Variants in KLHDC10 observed in about 807,000 individuals in gnomAD.
The protein encoded by KLHDC10 is kelch domain containing 10, also known as kelch domain-containing protein 10.
A neutral mutation model predicts 56.1 loss-of-function variants in KLHDC10; 24 were observed. The ratio of observed to expected loss-of-function variants is 0.43; its 90% CI spans 0.31 to 0.60. KLHDC10 has a LOEUF of 0.60. Among genes scored for constraint, KLHDC10 ranks in the 20% least tolerant of loss-of-function variants. The probability of loss-of-function intolerance (pLI) is 0.11; values close to 1 mark genes in which losing one functional copy is unlikely to be tolerated. For synonymous variants in KLHDC10, 188 were observed against 207.1 expected (o/e 0.91, Z 0.79); for missense variants, 349 against 567.0 (o/e 0.62, Z 3.91).
At chr7:130,092,491 T>C (rs1000896800) in intron 1 of KLHDC10, among the ~76,000 whole-genome samples, 3 of 152,182 alleles carry the variant, frequency 2.0e-5, no homozygotes, top group African/African-American at 7.2e-5. Flanking sequence ...TCTCCACAGA[T>C]TGTGGATAGG....
At chr7:130,093,853 A>C (rs1174534003) in intron 1 of KLHDC10, among the ~76,000 whole-genome samples, 1 of 152,150 alleles carries the variant, frequency 6.6e-6, no homozygotes, top group Non-Finnish European at 1.5e-5. Context: ...GACATGCCAA[A>C]GATGTTTGAT....
intron 2 of KLHDC10, among the ~76,000 whole-genome samples, chr7:130,105,658 G>A (rs1795997632): frequency 6.6e-6 from 1 of 152,172 alleles, no homozygotes; most frequent in Non-Finnish European, 1.5e-5. Flanking sequence ...AAATCAGGAA[G>A]TAGGATACTC....
At chr7:130,119,537 T>TAAAAAAAAAAAAAAA in intron 3 of KLHDC10, among the ~76,000 whole-genome samples, 1 of 100,388 alleles carries the variant, frequency 1.0e-5, no homozygotes, top group Non-Finnish European at 2.0e-5. Flanking sequence ...AAAAAAGAGT[T>TAAAAAAAAAAAAAAA]AAAAAAAAAA....
intron 2 of KLHDC10, among the ~76,000 whole-genome samples, chr7:130,108,060 AAAAAC>A (rs869203339): frequency 1.2e-4 from 18 of 151,110 alleles, no homozygotes; most frequent in African/African-American, 3.4e-4. Flanking sequence ...AAAAAAAACA[AAAAAC>A]AAAACAAAAA....
At chr7:130,092,419 C>T (rs1795787626) in intron 1 of KLHDC10, among the ~76,000 whole-genome samples, 1 of 152,160 alleles carries the variant, frequency 6.6e-6, no homozygotes, top group Non-Finnish European at 1.5e-5. Flanking sequence ...TATGCTCAAT[C>T]ATCTTTATCG....
chr7:130,084,117 C>T (rs1038854813), intron 1 of KLHDC10, among the ~76,000 whole-genome samples: 2 of 152,192 alleles, frequency 1.3e-5, no homozygotes, highest in African/African-American at 2.4e-5. Flanking sequence ...CTTGCTTTCT[C>T]CATATCTACA....
At chr7:130,123,182 A>G (rs1336190547) in intron 5 of KLHDC10, among the ~76,000 whole-genome samples, 1 of 152,210 alleles carries the variant, frequency 6.6e-6, no homozygotes, top group Non-Finnish European at 1.5e-5. Flanking sequence ...TCTTCATAGA[A>G]TTAAACTCAC....
intron 3 of KLHDC10, among the ~76,000 whole-genome samples, chr7:130,117,213 C>G (rs889551969): frequency 6.6e-6 from 1 of 152,180 alleles, no homozygotes; most frequent in Non-Finnish European, 1.5e-5. Flanking sequence ...GAGCCTTCAG[C>G]GAGTTGTAAT....
Position 130,078,895 on chromosome 7 carries a change from T to G in KLHDC10, c.166+8086T>G, listed in dbSNP as rs140429106. The stretch of plus-strand genomic sequence containing the variant: ...AGTACTTTCCAAAAATACTAAACAA[T>G]AAGATAGTAGTGGAGCTTTGTCCTA... On this transcript the variant is annotated intron_variant, in intron 1 of 9. Transcript: ENST00000335420. 2.6e-5 allele frequency among the ~76,000 whole-genome samples: 4 copies of G among 152,332 alleles called. No homozygotes were observed. The East Asian group carries it at 7.7e-4, about 29-fold the overall frequency.
intron 2 of KLHDC10, 33 bp downstream of exon 2, chr7:130,097,040 G>A (rs12531444): frequency 0.38 from 550,695 of 1,464,722 alleles, 106,606 homozygotes; most frequent in East Asian, 0.43. Flanking sequence ...TCTGTGCTTC[G>A]TATGGGTTAA....
rs927741741 is a variant in KLHDC10, at chr7:130,116,868, T to C, written c.475+202T>C. ...GTTTGAATTCAGCTTGTCAGGTGAG[T>C]TTTAGCTTTAATTTCCTAACTTGCA... On this transcript the variant is annotated intron_variant, in intron 3 of 9. Transcript: ENST00000335420. This position sits in a 1 kb window ranked among gnomAD's most constrained non-coding sequence, Gnocchi z 4.8. 1.3e-5 allele frequency among the ~76,000 whole-genome samples: 2 copies of C among 152,164 alleles called. No homozygotes were observed. The highest frequency in any genetic ancestry group is 2.9e-5 in the Non-Finnish European group (2 of 68,024).
intron 8 of KLHDC10, among the ~76,000 whole-genome samples, chr7:130,128,020 G>A (rs1390071923): frequency 1.3e-5 from 2 of 152,134 alleles, no homozygotes; most frequent in Admixed American, 6.5e-5. Flanking sequence ...TTATTTCATC[G>A]TCTGATATAG....
intron 1 of KLHDC10, among the ~76,000 whole-genome samples, chr7:130,095,750 T>C (rs1795840643): frequency 6.6e-6 from 1 of 152,202 alleles, no homozygotes; most frequent in Non-Finnish European, 1.5e-5. Flanking sequence ...TAAAAACTGT[T>C]CTTTTTCTAG....
chr7:130,081,340 T>G (rs1224621976), intron 1 of KLHDC10, among the ~76,000 whole-genome samples: 1 of 145,974 alleles, frequency 6.9e-6, no homozygotes, highest in East Asian at 2.1e-4. Flanking sequence ...ATTTTTGAGA[T>G]GGAGTCTCTC....
In KLHDC10 at chr7:130,122,179, A is replaced by G. The variant is rs1313071827; in HGVS notation, c.756A>G (p.Leu252=). 2 of 1,613,964 alleles carry G rather than the reference A, an allele frequency of 1.2e-6. No individual in the cohort carries two copies. The highest frequency in any genetic ancestry group is 1.7e-6 in the Non-Finnish European group (2 of 1,179,906). Reference sequence around the variant, plus strand: ...GGACACAACTGAAACCAAACAACCTATCCTGTGATCTACCAGAAGAGAGGT... The same window carrying G: ...GGACACAACTGAAACCAAACAACCTGTCCTGTGATCTACCAGAAGAGAGGT... ...REWTQLKPNN[L]SCDLPEERYR... Residue 252 remains leucine (L), a synonymous_variant, in exon 5 of 10, where the codon CTA becomes CTG. Transcript: ENST00000335420.
chr7:130,107,576 G>C lies in KLHDC10; in HGVS notation c.254-8869G>C, dbSNP rs117641746. On this transcript the variant is annotated intron_variant, in intron 2 of 9. Transcript: ENST00000335420. ...ACTAGCTGGGCGACCAGGTGCCATG[G>C]TTCACGCCTGTAATCCCAGCGCTTT... 1.9e-3 allele frequency among the ~76,000 whole-genome samples: 284 copies of C among 152,184 alleles called. 4 individuals carry two copies. In the East Asian group the frequency reaches 0.04, roughly 21 times the overall value.
chr7:130,107,186 AC>A (rs1186506583), intron 2 of KLHDC10, among the ~76,000 whole-genome samples: 1 of 152,238 alleles, frequency 6.6e-6, no homozygotes, highest in African/African-American at 2.4e-5. Context: ...AGTAAAAAAA[AC>A]GAGACAAAGA....
intron 8 of KLHDC10, among the ~76,000 whole-genome samples, chr7:130,129,178 T>G (rs1796362250): frequency 6.6e-6 from 1 of 152,038 alleles, no homozygotes; most frequent in Non-Finnish European, 1.5e-5. Flanking sequence ...TGTAGGTATG[T>G]GTTTGAATTT....
In KLHDC10 at chr7:130,120,949, A is replaced by G; in HGVS notation, c.630+46A>G. The G allele has an allele frequency of 6.4e-7, 1 of 1,570,674 alleles. No individual in the cohort carries two copies. Among genetic ancestry groups the G allele is most frequent in the Non-Finnish European group, 8.7e-7 (1 of 1,147,674 alleles). On this transcript the variant is annotated intron_variant, in intron 4 of 9. Transcript: ENST00000335420. This position sits in a 1 kb window ranked among gnomAD's most constrained non-coding sequence, Gnocchi z 5.1. ...ATGGTGTATTTGTTCATATTTTTCT[A>G]GTCTGGGGATGGTGTTAGAATATTT... is the stretch of plus-strand genomic sequence containing the variant.
Sources: allele counts gnomAD v4.1 joint callset (sites outside exome capture counted in the v4.1 genomes callset), GRCh38; gene constraint gnomAD v4.1.1; non-coding constraint Gnocchi (gnomAD v3.1); transcripts MANE v1.5; gene names NCBI Gene and HGNC (gene_info 2026-07-23, HGNC 2026-07-21).